KCNH1: variants seen among roughly 807,000 people sequenced by gnomAD.
KCNH1 encodes voltage-gated delayed rectifier potassium channel KCNH1.
KCNH1 carries 27 observed loss-of-function variants against 69.2 expected under a neutral mutation model. That is an observed-to-expected ratio of 0.39 (90% CI 0.29 to 0.54). The LOEUF is 0.54. Among genes scored for constraint, KCNH1 ranks in the 20% least tolerant of loss-of-function variants. The pLI is 0.68. For missense variants in KCNH1, 798 were observed against 1,261.6 expected, an observed-to-expected ratio of 0.63 and a Z score of 5.57; for synonymous variants, 456 against 487.7, an observed-to-expected ratio of 0.93 and a Z score of 0.86.
chr1:210,994,986 C>A (rs780015911), intron 6 of KCNH1, among the ~76,000 whole-genome samples: 35 of 152,142 alleles, frequency 2.3e-4, no homozygotes, highest in Non-Finnish European at 4.6e-4. Context: ...TTATTAAACA[C>A]TTAAGTTCTC....
intron 7 of KCNH1, among the ~76,000 whole-genome samples, chr1:210,822,477 A>T (rs929564512): frequency 1.3e-5 from 2 of 152,164 alleles, no homozygotes; most frequent in African/African-American, 4.8e-5. Flanking sequence ...CGACTCAATT[A>T]TTTCCACCAT....
At chr1:210,781,635 A>T (rs1777254) in intron 9 of KCNH1, among the ~76,000 whole-genome samples, 1 of 151,974 alleles carries the variant, frequency 6.6e-6, no homozygotes, top group Non-Finnish European at 1.5e-5. Flanking sequence ...GAACTAGATC[A>T]TTCAGGGGGA....
intron 7 of KCNH1, chr1:210,861,902 T>C: frequency 1.3e-6 from 1 of 769,124 alleles, no homozygotes; most frequent in Non-Finnish European, 2.4e-6. Flanking sequence ...TTGTCCACAA[T>C]GGCAGTCCAG....
intron 6 of KCNH1, among the ~76,000 whole-genome samples, chr1:210,948,970 C>T (rs1358035107): frequency 6.6e-6 from 1 of 151,950 alleles, no homozygotes. Flanking sequence ...TCTCTTTTGA[C>T]TTTCATCAAC....
At chr1:210,782,869 C>T (rs956257683) in intron 9 of KCNH1, among the ~76,000 whole-genome samples, 26 of 152,226 alleles carry the variant, frequency 1.7e-4, no homozygotes, top group Non-Finnish European at 3.7e-4. Flanking sequence ...AATCTGCTGG[C>T]ACCTTGATCT....
chr1:210,889,656 C>T (rs1686702333), intron 7 of KCNH1, among the ~76,000 whole-genome samples: 1 of 152,182 alleles, frequency 6.6e-6, no homozygotes, highest in African/African-American at 2.4e-5. Context: ...TTAGAAAACC[C>T]CATCATCTCA....
At position 210,911,993 on chromosome 1, in the gene KCNH1, G is replaced by A. The variant is rs542754065; in HGVS notation, c.1462+7647C>T. Among the ~76,000 whole-genome samples the A allele has an allele frequency of 1.2e-4, 19 of 152,120 alleles. 1 individual carries two copies. The South Asian group carries it at 3.7e-3, about 30-fold the overall frequency. On this transcript the variant is annotated intron_variant, in intron 7 of 10. Transcript: ENST00000271751. ...TGCCAAATCCCAAAATAATCAACAAGGAAAGCAACAAGACAAAGGGAATGA... is the reference window on the plus strand; with the variant it reads ...TGCCAAATCCCAAAATAATCAACAAAGAAAGCAACAAGACAAAGGGAATGA...
chr1:211,091,302 C>T (rs2102473644), intron 3 of KCNH1, among the ~76,000 whole-genome samples: 1 of 152,244 alleles, frequency 6.6e-6, no homozygotes, highest in East Asian at 1.9e-4. Flanking sequence ...CCGCCTCAGC[C>T]TCCCGAGGTA....
At chr1:210,730,226 G>C (rs530543958) in intron 10 of KCNH1, among the ~76,000 whole-genome samples, 1 of 152,106 alleles carries the variant, frequency 6.6e-6, no homozygotes, top group Non-Finnish European at 1.5e-5. Context: ...CAAAGCTGCC[G>C]GCAGGAACTA....
chr1:210,828,928 G>A (rs1196778727), intron 7 of KCNH1, among the ~76,000 whole-genome samples: 2 of 152,210 alleles, frequency 1.3e-5, no homozygotes, highest in African/African-American at 4.8e-5. Flanking sequence ...TATTACTGAA[G>A]TATAGCATAA....
chr1:211,053,590 A>G (rs1415831253), intron 5 of KCNH1, among the ~76,000 whole-genome samples: 1 of 152,222 alleles, frequency 6.6e-6, no homozygotes, highest in African/African-American at 2.4e-5. Context: ...GGTTATCTGT[A>G]AAAAATCAGA....
chr1:210,745,178 T>G (rs1197005704), intron 10 of KCNH1, among the ~76,000 whole-genome samples: 1 of 55,108 alleles, frequency 1.8e-5, no homozygotes, highest in Non-Finnish European at 4.1e-5. Flanking sequence ...CACTCCAGCC[T>G]GGGTAACAGA....
At chr1:210,694,409 A>T (rs1158249078) in intron 10 of KCNH1, among the ~76,000 whole-genome samples, 1 of 151,520 alleles carries the variant, frequency 6.6e-6, no homozygotes, top group African/African-American at 2.4e-5. Context: ...TCCTGGGTAG[A>T]GGCCCGAGGC....
chr1:210,907,429 G>A (rs774904607), intron 7 of KCNH1, among the ~76,000 whole-genome samples: 12 of 152,064 alleles, frequency 7.9e-5, no homozygotes, highest in Non-Finnish European at 8.8e-5. Flanking sequence ...CATTGGTATC[G>A]GGTGAGATTC....
intron 10 of KCNH1, among the ~76,000 whole-genome samples, chr1:210,713,596 A>G (rs367998943): frequency 7.2e-5 from 11 of 152,264 alleles, no homozygotes; most frequent in African/African-American, 2.4e-4. Context: ...GAGTTTTTGT[A>G]TAGAGGTGTC....
chr1:211,033,560 T>C (rs1027889741), intron 5 of KCNH1, among the ~76,000 whole-genome samples: 2 of 152,150 alleles, frequency 1.3e-5, no homozygotes, highest in Non-Finnish European at 2.9e-5. Context: ...GTGGCACATA[T>C]ACACCACGGA....
chr1:210,814,361 T>G (rs1209528898), intron 7 of KCNH1, among the ~76,000 whole-genome samples: 1 of 152,144 alleles, frequency 6.6e-6, no homozygotes, highest in East Asian at 1.9e-4. Flanking sequence ...ACATAATACA[T>G]GCTCAATAAG....
At chr1:210,748,913 C>G (rs573010723) in intron 10 of KCNH1, among the ~76,000 whole-genome samples, 1 of 152,312 alleles carries the variant, frequency 6.6e-6, no homozygotes, top group South Asian at 2.1e-4. Flanking sequence ...CCCACCTGTC[C>G]TACCTGCTCC....
chr1:210,937,554 G>T (rs1574348996), intron 6 of KCNH1, among the ~76,000 whole-genome samples: 1 of 152,306 alleles, frequency 6.6e-6, no homozygotes, highest in South Asian at 2.1e-4. Flanking sequence ...GAGGCAGTGG[G>T]TCATGGTTCT....
Sources: gnomAD v4.1 joint callset for allele counts (sites outside exome capture counted in the v4.1 genomes callset) on GRCh38, gnomAD v4.1.1 for gene constraint, MANE v1.5 for transcripts, NCBI Gene and HGNC (gene_info 2026-07-23, HGNC 2026-07-21) for gene names.